VPS13A: variants seen among roughly 807,000 people sequenced by gnomAD.
VPS13A encodes intermembrane lipid transfer protein VPS13A.
A neutral mutation model predicts 390.9 loss-of-function variants in VPS13A; 264 were observed. The ratio of observed to expected loss-of-function variants is 0.68; its 90% CI spans 0.61 to 0.75. VPS13A has a LOEUF of 0.75. Among genes scored for constraint, VPS13A ranks in the 30% least tolerant of loss-of-function variants. The pLI is 0.00. For synonymous variants in VPS13A, 1,231 were observed against 1,227.1 expected (o/e 1.00, Z -0.07); for missense variants, 3,409 against 3,733.9 (o/e 0.91, Z 2.27).
chr9:77,346,630 T>A (rs1831169586), intron 52 of VPS13A, among the ~76,000 whole-genome samples: 1 of 152,244 alleles, frequency 6.6e-6, no homozygotes, highest in Non-Finnish European at 1.5e-5. Context: ...TCCAGTATTA[T>A]CTTCTAGAAT....
At chr9:77,342,472 A>T (rs1337205182) in intron 50 of VPS13A, among the ~76,000 whole-genome samples, 6 of 152,084 alleles carry the variant, frequency 3.9e-5, no homozygotes, top group Admixed American at 3.9e-4. Flanking sequence ...TGGTAACACA[A>T]ATTGAGAGTC....
chr9:77,182,317 C>T (rs1415294219), intron 1 of VPS13A, among the ~76,000 whole-genome samples: 1 of 152,112 alleles, frequency 6.6e-6, no homozygotes, highest in African/African-American at 2.4e-5. Context: ...TGGTCTCGAA[C>T]GCCTGACCTC....
intron 4 of VPS13A, 98 bp from the exon 5 acceptor site, chr9:77,205,880 G>A (rs1001599645): frequency 1.5e-5 from 14 of 934,826 alleles, no homozygotes; most frequent in Admixed American, 4.6e-5. Flanking sequence ...ATGAGCCACC[G>A]CGCCCGGCCA....
chr9:77,229,446 C>A (rs1258327179), intron 17 of VPS13A, among the ~76,000 whole-genome samples: 1 of 152,178 alleles, frequency 6.6e-6, no homozygotes, highest in Non-Finnish European at 1.5e-5. Flanking sequence ...GCCCCCTTAC[C>A]CAGCCCCTGG....
rs762118096 is a variant in VPS13A, at chr9:77,357,672, TG to T, written c.7807-14del. The T allele has an allele frequency of 2.5e-6, 4 of 1,612,038 alleles. No homozygotes were observed. The highest frequency in any genetic ancestry group is 2.2e-5 in the East Asian group (1 of 44,800). ...TTATAGATAAATTAATTTTTTCATT[TG>T]GGGGGACATATTTTTCAGGTTCGCC... On this transcript the variant is annotated intron_variant, in intron 55 of 71. Transcript: ENST00000360280.
At position 77,323,160 on chromosome 9, in the gene VPS13A, G is replaced by A. The variant is rs1480595522; in HGVS notation, c.5924G>A (p.Arg1975Lys). Residue 1975 changes from arginine (R) to lysine (K), a missense_variant, in exon 45 of 72, where the codon AGA (arginine) becomes AAA (lysine). Arg to Lys is a conservative substitution (Grantham distance 26, BLOSUM62 2). Around this residue, in one of 5 missense-constraint regions of VPS13A, gnomAD observed 2,717 missense variants for 2,917.4 expected, o/e 0.93. Coordinates refer to ENST00000360280, the MANE Select transcript of VPS13A (RefSeq NM_033305.3). ...AGACACAGAGAGTCTGGCGTTGAAA[G>A]ATCTATTGTTTGTCAAATTGATACA... is the stretch of plus-strand genomic sequence containing the variant. The part of the protein sequence containing the change: ...TVRHRESGVE[R>K]SIVCQIDTVE... 1 of 1,613,548 alleles carries A rather than the reference G, an allele frequency of 6.2e-7. No homozygotes were observed. The highest frequency in any genetic ancestry group is 1.7e-5 in the Admixed American group (1 of 59,944).
chr9:77,415,526 A>T (rs1587742986), intron 71 of VPS13A, among the ~76,000 whole-genome samples: 1 of 152,312 alleles, frequency 6.6e-6, no homozygotes, highest in Admixed American at 6.5e-5. Flanking sequence ...AGAATAGAAA[A>T]TATATTGTGA....
intron 68 of VPS13A, among the ~76,000 whole-genome samples, chr9:77,386,624 G>A (rs1833693941): frequency 6.6e-6 from 1 of 151,608 alleles, no homozygotes; most frequent in Non-Finnish European, 1.5e-5. Flanking sequence ...CTAGTAACTA[G>A]TAAACATTGC....
Position 77,356,793 on chromosome 9 carries a change from G to A in VPS13A, c.7732G>A (p.Glu2578Lys), listed in dbSNP as rs775938437. The part of the protein sequence containing the change: ...PMSVKHTEKL[E>K]REFKEYTESS... ...GAGTGTAAAGCACACTGAGAAGTTA[G>A]AGAGAGAATTTAAGGAATATACTGA... Residue 2578 changes from glutamate to lysine, a missense_variant, in exon 55 of 72, where the codon GAG becomes AAG. Coordinates refer to ENST00000360280, the MANE Select transcript of VPS13A (RefSeq NM_033305.3). The A allele has an allele frequency of 1.9e-6, 3 of 1,613,710 alleles. No individual in the cohort carries two copies. The highest frequency in any genetic ancestry group is 2.5e-6 in the Non-Finnish European group (3 of 1,179,882).
At chr9:77,208,836 C>T (rs530219768) in intron 5 of VPS13A, among the ~76,000 whole-genome samples, 1 of 152,312 alleles carries the variant, frequency 6.6e-6, no homozygotes, top group African/African-American at 2.4e-5. Context: ...AGGTGTGAGC[C>T]ACCTTGCCCC....
At chr9:77,390,171 G>T (rs1420235793) in intron 68 of VPS13A, 1 of 930,220 alleles carries the variant, frequency 1.1e-6, no homozygotes, top group Non-Finnish European at 1.3e-6. Context: ...GGAGACAAAG[G>T]CTATTGGACT....
At chr9:77,319,476 T>C (rs1829610778) in intron 41 of VPS13A, 96 bp from the exon 42 acceptor site, 3 of 807,828 alleles carry the variant, frequency 3.7e-6, no homozygotes, top group Non-Finnish European at 6.3e-6. Context: ...GAATGGCATG[T>C]AGACTGGTTT....
chr9:77,341,690 C>CTTTTTTT (rs1830821898), intron 50 of VPS13A, among the ~76,000 whole-genome samples: 5 of 23,562 alleles, frequency 2.1e-4, no homozygotes, highest in African/African-American at 7.6e-4. Flanking sequence ...GGACATCTTT[C>CTTTTTTT]CTTTTTTTTT....
At position 77,390,043 on chromosome 9, in the gene VPS13A, CAGG is replaced by C. The variant is rs1420556533; in HGVS notation, c.9189+7962_9189+7964del. The C allele has an allele frequency of 3.0e-6, 3 of 984,676 alleles. No homozygotes were observed. In the African/African-American group the frequency reaches 5.2e-5, roughly 17 times the overall value. 61.0% of individuals were successfully genotyped at this position (984,676 alleles called of 1,614,324 possible). The stretch of plus-strand genomic sequence containing the variant: ...GCCGACGTGGTCTTTCCCTTTACTT[CAGG>C]AGGAGAATGACTACTAATCTGGAAG... On this transcript the variant is annotated intron_variant, in intron 68 of 71. Coordinates refer to ENST00000360280, the MANE Select transcript of VPS13A (RefSeq NM_033305.3).
Position 77,276,325 on chromosome 9 carries a change from A to G in VPS13A, c.2824+104A>G, listed in dbSNP as rs959634479. The G allele has an allele frequency of 1.3e-5, 14 of 1,068,778 alleles. No homozygotes were observed. The African/African-American group carries it at 1.6e-4, about 12-fold the overall frequency. The allele number at this position is 1,068,778 out of a possible 1,614,324, so 66.2% of individuals were successfully genotyped here. On this transcript the variant is annotated intron_variant, in intron 26 of 71. Transcript: ENST00000360280. ...GCTCTGAATCAGTACATTTGCTGAA[A>G]TATTCTCAGAGAACCATTCCTTTTT...
intron 68 of VPS13A, among the ~76,000 whole-genome samples, chr9:77,399,196 A>AT (rs1563990883): frequency 7.5e-5 from 8 of 107,276 alleles, no homozygotes; most frequent in Non-Finnish European, 1.6e-4. Context: ...AAAAAAAAAA[A>AT]AAAAAAAAAC....
intron 68 of VPS13A, chr9:77,384,453 G>A: frequency 1.6e-6 from 2 of 1,260,572 alleles, no homozygotes; most frequent in East Asian, 4.7e-5. Context: ...ATTACAGTCT[G>A]AGTCATAGCT....
At chr9:77,228,006 G>A (rs1823618287) in intron 16 of VPS13A, 116 bp from the exon 17 acceptor site, 1 of 781,022 alleles carries the variant, frequency 1.3e-6, no homozygotes, top group South Asian at 3.5e-5. Flanking sequence ...GATTCTTGAA[G>A]AAATAAAATG....
chr9:77,200,194 A>G (rs1321166247), intron 2 of VPS13A, among the ~76,000 whole-genome samples: 12 of 152,154 alleles, frequency 7.9e-5, no homozygotes, highest in Non-Finnish European at 1.5e-5. Context: ...TTAAAAATAC[A>G]TATTGTTTTA....
Sources: allele counts gnomAD v4.1 joint callset (sites outside exome capture counted in the v4.1 genomes callset), GRCh38; gene constraint gnomAD v4.1.1; regional missense constraint gnomAD v4.1.1; transcripts MANE v1.5; gene names NCBI Gene and HGNC (gene_info 2026-07-23, HGNC 2026-07-21).